MAPDA: variants seen among roughly 807,000 people sequenced by gnomAD.
MAPDA encodes N6,N6-dimethyl-AMP deaminase.
chr15:43,336,995 G>A, the MAPDA span, among the ~76,000 whole-genome samples: 48 of 152,090 alleles, frequency 3.2e-4, no homozygotes, highest in Non-Finnish European at 5.6e-4. Context: ...AGGGCTGGGC[G>A]TGGTGGCTCA....
the MAPDA span, chr15:43,349,197 A>G: frequency 7.0e-7 from 1 of 1,435,384 alleles, no homozygotes; most frequent in South Asian, 1.6e-5. Context: ...GCCTTATTTA[A>G]AACAGAAAGC....
At chr15:43,330,453 C>G in the MAPDA span, 197 of 1,530,386 alleles carry the variant, frequency 1.3e-4, no homozygotes, top group Non-Finnish European at 1.7e-4. Context: ...GTGTTCTGTA[C>G]CGCGCCTGCC....
At chr15:43,342,446 T>TAAA in the MAPDA span, among the ~76,000 whole-genome samples, 1 of 113,606 alleles carries the variant, frequency 8.8e-6, no homozygotes, top group Non-Finnish European at 1.9e-5. Flanking sequence ...ATATCCCTTT[T>TAAA]AAAAAAAAAA....
the MAPDA span, chr15:43,351,022 C>A: frequency 1.7e-5 from 27 of 1,551,520 alleles, no homozygotes; most frequent in Non-Finnish European, 2.1e-5. Context: ...TACAGCATTG[C>A]CCATCCTTCT....
At chr15:43,346,196 GA>G in the MAPDA span, among the ~76,000 whole-genome samples, 3 of 152,032 alleles carry the variant, frequency 2.0e-5, no homozygotes. Flanking sequence ...GAAAAAAAAA[GA>G]GTTGCCTGAC....
chr15:43,330,391 C>T, the MAPDA span: 1 of 1,585,304 alleles, frequency 6.3e-7, no homozygotes, highest in Non-Finnish European at 8.5e-7. Context: ...AGGGGTCCTG[C>T]ACGTACCCGC....
At chr15:43,339,179 A>G in the MAPDA span, among the ~76,000 whole-genome samples, 1 of 152,160 alleles carries the variant, frequency 6.6e-6, no homozygotes, top group Non-Finnish European at 1.5e-5. Flanking sequence ...GCCATTCATG[A>G]TGGCATGGAG....
chr15:43,348,850 A>AT, the MAPDA span: 5 of 1,557,558 alleles, frequency 3.2e-6, no homozygotes, highest in African/African-American at 6.9e-5. Flanking sequence ...ATAGAAAAAA[A>AT]TACTCTTAAG....
chr15:43,347,644 T>C, the MAPDA span, among the ~76,000 whole-genome samples: 1 of 152,358 alleles, frequency 6.6e-6, no homozygotes, highest in Admixed American at 6.5e-5. Flanking sequence ...TGAGGGACTT[T>C]GCTGCAATTT....
chr15:43,330,559 C>T, the MAPDA span: 5 of 1,476,250 alleles, frequency 3.4e-6, no homozygotes, highest in Admixed American at 5.4e-5. Context: ...ACACACCTCA[C>T]GGACCTCGGT....
the MAPDA span, chr15:43,335,681 G>A: frequency 1.3e-6 from 2 of 1,596,716 alleles, no homozygotes; most frequent in Non-Finnish European, 1.7e-6. Flanking sequence ...AAGTTTTACT[G>A]GTTGTATCTC....
the MAPDA span, among the ~76,000 whole-genome samples, chr15:43,332,929 C>T: frequency 6.6e-6 from 1 of 152,108 alleles, no homozygotes; most frequent in Non-Finnish European, 1.5e-5. Flanking sequence ...TCATGGCATG[C>T]TGTTGTTGGT....
chr15:43,336,786 T>A, the MAPDA span: 13 of 946,826 alleles, frequency 1.4e-5, no homozygotes, highest in Non-Finnish European at 1.9e-5. Context: ...TTAAGAGTGA[T>A]GAAAAATGTT....
chr15:43,346,014 A>G, the MAPDA span: 1 of 1,612,008 alleles, frequency 6.2e-7, no homozygotes, highest in Non-Finnish European at 8.5e-7. Context: ...TTTTAATTCT[A>G]AAAGGTAGAA....
At chr15:43,343,353 T>A in the MAPDA span, among the ~76,000 whole-genome samples, 1 of 152,230 alleles carries the variant, frequency 6.6e-6, no homozygotes, top group South Asian at 2.1e-4. Context: ...AGGTCCCACA[T>A]GATCTGGCTG....
chr15:43,334,145 T>C, the MAPDA span, among the ~76,000 whole-genome samples: 1 of 151,104 alleles, frequency 6.6e-6, no homozygotes, highest in African/African-American at 2.5e-5. Flanking sequence ...TAAAATACTT[T>C]ATTAATCGTC....
the MAPDA span, among the ~76,000 whole-genome samples, chr15:43,336,374 G>A: frequency 5.9e-5 from 9 of 152,074 alleles, no homozygotes; most frequent in Non-Finnish European, 1.2e-4. Flanking sequence ...GAAAATATAG[G>A]CATATTGAAT....
At chr15:43,351,261 G>C in the MAPDA span, 1 of 496,368 alleles carries the variant, frequency 2.0e-6, no homozygotes. Flanking sequence ...AGGAGGAGGA[G>C]GTTGCAGTGA....
At chr15:43,343,981 A>G in the MAPDA span, among the ~76,000 whole-genome samples, 1 of 152,020 alleles carries the variant, frequency 6.6e-6, no homozygotes, top group African/African-American at 2.4e-5. Context: ...TTCATTAATC[A>G]TATATTACAA....
Sources: gnomAD v4.1 joint callset for allele counts (sites outside exome capture counted in the v4.1 genomes callset) on GRCh38, gnomAD v4.1.1 for gene constraint, MANE v1.5 for transcripts, NCBI Gene and HGNC (gene_info 2026-07-23, HGNC 2026-07-21) for gene names.